PRRC2C: variants seen among roughly 807,000 people sequenced by gnomAD.
PRRC2C encodes the protein protein PRRC2C.
Under a neutral mutation model 317.2 loss-of-function variants are expected in PRRC2C, and 72 were observed. The observed-to-expected ratio is 0.23, with a 90% confidence interval of 0.19 to 0.28. The LOEUF (loss-of-function observed/expected upper bound fraction) is 0.28. PRRC2C is among the 10% of genes least tolerant of loss of function. The probability of loss-of-function intolerance (pLI) is 1.00; values close to 1 mark genes in which losing one functional copy is unlikely to be tolerated. For synonymous variants in PRRC2C, 1,296 were observed against 1,205.9 expected, an observed-to-expected ratio of 1.07 and a Z score of -1.55; for missense variants, 3,074 against 3,459.7, an observed-to-expected ratio of 0.89 and a Z score of 2.80.
chr1:171,523,362 G>A lies in PRRC2C; in HGVS notation c.967+8G>A. On this transcript the variant is annotated splice_region_variant and intron_variant, in intron 8 of 34. Transcript: ENST00000647382. ...CTGATGAAGGTTGGGCAGGTAAGAGGCAAAATTAATTAAGTCCTTTAAATT... is the reference window on the plus strand; with the variant it reads ...CTGATGAAGGTTGGGCAGGTAAGAGACAAAATTAATTAAGTCCTTTAAATT... 13 of 1,613,838 alleles carry A rather than the reference G, an allele frequency of 8.1e-6. No homozygotes were observed. Among genetic ancestry groups the A allele is most frequent in the Non-Finnish European group, 1.1e-5 (13 of 1,179,830 alleles).
intron 6 of PRRC2C, among the ~76,000 whole-genome samples, chr1:171,520,760 A>G (rs899866836): frequency 1.3e-5 from 2 of 149,752 alleles, no homozygotes; most frequent in African/African-American, 4.9e-5. Context: ...GACTTAATTA[A>G]CATTGCTTCA....
chr1:171,526,019 T>C (rs1345850263), intron 10 of PRRC2C, among the ~76,000 whole-genome samples: 3 of 152,214 alleles, frequency 2.0e-5, no homozygotes, highest in African/African-American at 7.2e-5. Flanking sequence ...AACATTTTAA[T>C]AACTTTTTTG....
intron 24 of PRRC2C, among the ~76,000 whole-genome samples, chr1:171,571,704 A>G (rs930013673): frequency 1.3e-5 from 2 of 152,318 alleles, no homozygotes; most frequent in African/African-American, 4.8e-5. Context: ...AGTTCCTCCC[A>G]GAGATCTTAA....
intron 31 of PRRC2C, 39 bp downstream of exon 31, chr1:171,587,260 T>A: frequency 6.6e-7 from 1 of 1,520,604 alleles, no homozygotes; most frequent in South Asian, 1.2e-5. Context: ...TTTGAGAATT[T>A]AAGGTAGTGT....
At chr1:171,577,771 A>ATATTTTT in intron 26 of PRRC2C, 134 bp downstream of exon 26, 1 of 299,568 alleles carries the variant, frequency 3.3e-6, no homozygotes, top group Non-Finnish European at 5.3e-6. Context: ...TTAAATTCGC[A>ATATTTTT]TTTTTTTTTT....
In PRRC2C at chr1:171,546,248, C is replaced by T. The variant is rs1206280911; in HGVS notation, c.4972+561C>T. On this transcript the variant is annotated intron_variant, in intron 17 of 34. Coordinates refer to ENST00000647382, the MANE Select transcript of PRRC2C (RefSeq NM_001387844.1). The stretch of plus-strand genomic sequence containing the variant: ...AAATATTGGATGAAGAAAAAACAGA[C>T]AAGGAATATCTGTGTATAGACATTG... Among the ~76,000 whole-genome samples the T allele has an allele frequency of 2.0e-5, 3 of 152,170 alleles. No individual in the cohort carries two copies. The East Asian group carries it at 5.8e-4, about 29-fold the overall frequency.
intron 34 of PRRC2C, among the ~76,000 whole-genome samples, chr1:171,589,922 C>T (rs1651003657): frequency 6.6e-6 from 1 of 150,692 alleles, no homozygotes; most frequent in Non-Finnish European, 1.5e-5. Flanking sequence ...TTTAGATGCA[C>T]ACTTTTTTTT....
At chr1:171,505,997 CT>C (rs1670103649) in intron 1 of PRRC2C, among the ~76,000 whole-genome samples, 1 of 152,176 alleles carries the variant, frequency 6.6e-6, no homozygotes, top group South Asian at 2.1e-4. Context: ...GAGCAATAGA[CT>C]ATACCATATA....
chr1:171,520,837 G>A lies in PRRC2C; in HGVS notation c.751-1340G>A, dbSNP rs934210457. Among the ~76,000 whole-genome samples the A allele has an allele frequency of 1.1e-4, 14 of 124,676 alleles. No individual in the cohort carries two copies. The East Asian group carries it at 1.1e-3, about 10-fold the overall frequency. The allele number at this position is 124,676 out of a possible 152,430, so 81.8% of individuals were successfully genotyped here. A position where few individuals can be genotyped will look rare whatever the true frequency, so the allele number is the denominator to read the frequency against. Reference sequence around the variant, plus strand: ...TTTTTTTTAATAAAGACGGAGTTTCGCTCTGTTGCCAGGCTGGAGTGCAGT... The same window carrying A: ...TTTTTTTTAATAAAGACGGAGTTTCACTCTGTTGCCAGGCTGGAGTGCAGT... On this transcript the variant is annotated intron_variant, in intron 6 of 34. Transcript: ENST00000647382.
Position 171,591,880 on chromosome 1 carries a change from G to T in PRRC2C, c.*33G>T. The T allele has an allele frequency of 8.7e-6, 5 of 576,770 alleles. No individual in the cohort carries two copies. Among genetic ancestry groups the T allele is most frequent in the Non-Finnish European group, 1.5e-5 (5 of 333,596 alleles). The allele number at this position is 576,770 out of a possible 1,614,324, so 35.7% of individuals were successfully genotyped here. On this transcript the variant is annotated 3_prime_UTR_variant, in exon 35 of 35. Coordinates refer to ENST00000647382, the MANE Select transcript of PRRC2C (RefSeq NM_001387844.1). ...GGTTTATTGCAGGGGATTGGGAGGGGGGCGGGAAAACATGGAGAATTAAGT... is the reference window on the plus strand; with the variant it reads ...GGTTTATTGCAGGGGATTGGGAGGGTGGCGGGAAAACATGGAGAATTAAGT...
chr1:171,486,662 A>G (rs1666180345), intron 1 of PRRC2C, among the ~76,000 whole-genome samples: 1 of 152,198 alleles, frequency 6.6e-6, no homozygotes, highest in African/African-American at 2.4e-5. Flanking sequence ...GCCTGGGTTC[A>G]TAGATTCATA....
Position 171,537,484 on chromosome 1 carries a change from A to G in PRRC2C, c.2504+11A>G. On this transcript the variant is annotated intron_variant, in intron 15 of 34. Coordinates refer to ENST00000647382, the MANE Select transcript of PRRC2C (RefSeq NM_001387844.1). ...GCCTGAGGATGTAAGGTAATAAATT[A>G]TTTCAATTTAATAGATGATACAGAA... is the stretch of plus-strand genomic sequence containing the variant. The G allele has an allele frequency of 1.3e-6, 2 of 1,543,568 alleles. No homozygotes were observed. The highest frequency in any genetic ancestry group is 1.8e-6 in the Non-Finnish European group (2 of 1,139,114).
chr1:171,515,695 T>C, intron 4 of PRRC2C, 39 bp from the exon 5 acceptor site: 1 of 1,497,254 alleles, frequency 6.7e-7, no homozygotes, highest in Non-Finnish European at 9.0e-7. Context: ...ATCTTCAGTA[T>C]AAAAGTTACC....
chr1:171,566,328 T>C lies in PRRC2C; in HGVS notation c.6213T>C (p.Val2071=), dbSNP rs1399213347. 6.2e-7 allele frequency: 1 copy of C among 1,604,042 alleles called. No individual in the cohort carries two copies. Among genetic ancestry groups the C allele is most frequent in the Admixed American group, 1.7e-5 (1 of 58,552 alleles). ...CAAATGGAAATGAAAATGAAGTTGTTCCTGTGCTTTCGGAAAAATCTGCTG... is the reference window on the plus strand; with the variant it reads ...CAAATGGAAATGAAAATGAAGTTGTCCCTGTGCTTTCGGAAAAATCTGCTG... The part of the protein sequence containing the change: ...PASNGNENEV[V]PVLSEKSADK... The change falls in exon 21 of 35, where the codon GTT becomes GTC. Residue 2071 remains valine, a synonymous_variant. Coordinates refer to ENST00000647382, the MANE Select transcript of PRRC2C (RefSeq NM_001387844.1).
chr1:171,549,145 A>G (rs1679712316), intron 17 of PRRC2C, among the ~76,000 whole-genome samples: 1 of 152,254 alleles, frequency 6.6e-6, no homozygotes, highest in Non-Finnish European at 1.5e-5. Flanking sequence ...TAGGCTGGTC[A>G]TCTTACCTTA....
intron 11 of PRRC2C, among the ~76,000 whole-genome samples, chr1:171,528,088 G>A (rs1259757477): frequency 2.0e-5 from 3 of 151,564 alleles, no homozygotes; most frequent in East Asian, 3.9e-4. Flanking sequence ...CTCACTGCCC[G>A]TATACTTTTT....
intron 6 of PRRC2C, 134 bp downstream of exon 6, chr1:171,517,948 T>G: frequency 1.4e-6 from 1 of 690,054 alleles, no homozygotes; most frequent in South Asian, 1.9e-5. Context: ...TTCTCTTTTA[T>G]TGTATGGTAT....
At chr1:171,495,347 A>G (rs1349899717) in intron 1 of PRRC2C, among the ~76,000 whole-genome samples, 1 of 152,218 alleles carries the variant, frequency 6.6e-6, no homozygotes, top group East Asian at 1.9e-4. Context: ...TCTGCCTAGC[A>G]TTCTAAGACC....
chr1:171,571,532 T>A, intron 24 of PRRC2C, 111 bp downstream of exon 24: 1 of 767,376 alleles, frequency 1.3e-6, no homozygotes, highest in Non-Finnish European at 2.2e-6. Flanking sequence ...GCAACAATAC[T>A]AAGCTGAGGA....
Sources: gnomAD v4.1 joint callset for allele counts (sites outside exome capture counted in the v4.1 genomes callset) on GRCh38, gnomAD v4.1.1 for gene constraint, MANE v1.5 for transcripts, NCBI Gene and HGNC (gene_info 2026-07-23, HGNC 2026-07-21) for gene names.